RNF13: variants seen among roughly 807,000 people sequenced by gnomAD.
The protein encoded by RNF13 is E3 ubiquitin-protein ligase RNF13.
Under a neutral mutation model 37.7 loss-of-function variants are expected in RNF13, and 19 were observed. That is an observed-to-expected ratio of 0.50 (90% confidence interval 0.35 to 0.74). The LOEUF is 0.74. RNF13 is among the 30% of genes least tolerant of loss of function. The pLI is 0.01. For synonymous variants in RNF13, 144 were observed against 157.8 expected (o/e 0.91, Z 0.65); for missense variants, 375 against 453.0 (o/e 0.83, Z 1.56).
At chr3:149,837,774 G>A (rs774429374) in intron 1 of RNF13, among the ~76,000 whole-genome samples, 3 of 152,008 alleles carry the variant, frequency 2.0e-5, no homozygotes, top group Non-Finnish European at 4.4e-5. Context: ...TTCTGCCCTG[G>A]CCCCTCCCAA....
rs546934291 is a variant in RNF13 at position 149,840,016 on chromosome 3, AT to A, written c.-16-5987del. Among the ~76,000 whole-genome samples, 11 of 152,002 alleles carry A rather than the reference AT, an allele frequency of 7.2e-5. No individual in the cohort carries two copies. In the South Asian group the frequency reaches 2.1e-3, roughly 29 times the overall value. ...ACACCCATCTTGTGGTATCTTATTT[AT>A]TTTTTTTCATTCCAGAAAATTCTTG... On this transcript the variant is annotated intron_variant, in intron 1 of 9. Transcript: ENST00000392894.
chr3:149,942,362 CTTT>C (rs1720363954), intron 8 of RNF13, among the ~76,000 whole-genome samples: 1 of 152,126 alleles, frequency 6.6e-6, no homozygotes, highest in Non-Finnish European at 1.5e-5. Context: ...TTTCTATCTT[CTTT>C]GATTTCTTGT....
intron 3 of RNF13, among the ~76,000 whole-genome samples, chr3:149,865,061 G>C (rs1033419217): frequency 6.6e-6 from 1 of 152,038 alleles, no homozygotes; most frequent in Admixed American, 6.6e-5. Flanking sequence ...GAAAGGTATA[G>C]TGGATGTTTA....
intron 8 of RNF13, among the ~76,000 whole-genome samples, chr3:149,933,276 TTA>T (rs1186468845): frequency 1.7e-4 from 25 of 149,488 alleles, no homozygotes; most frequent in South Asian, 2.1e-4. Flanking sequence ...TTTTTTTTTT[TTA>T]AATTGTCTTG....
intron 1 of RNF13, among the ~76,000 whole-genome samples, chr3:149,845,284 T>TAAAAATA (rs1198812333): frequency 6.6e-6 from 1 of 152,210 alleles, no homozygotes; most frequent in African/African-American, 2.4e-5. Context: ...CGTTCTCACT[T>TAAAAATA]GTTTAAGAGT....
intron 3 of RNF13, among the ~76,000 whole-genome samples, chr3:149,865,793 G>A (rs1724753675): frequency 1.3e-5 from 2 of 152,034 alleles, no homozygotes; most frequent in Admixed American, 1.3e-4. Context: ...AAATCTTTAT[G>A]CTTTTTTGAT....
chr3:149,902,186 A>T, intron 6 of RNF13, 24 bp downstream of exon 6: 1 of 1,137,586 alleles, frequency 8.8e-7, no homozygotes, highest in Non-Finnish European at 1.3e-6. Flanking sequence ...ATAAAAAATC[A>T]TGTTGCTTAA....
intron 6 of RNF13, among the ~76,000 whole-genome samples, chr3:149,902,651 C>A (rs182390632): frequency 4.7e-4 from 72 of 152,142 alleles, no homozygotes; most frequent in African/African-American, 1.7e-3. Context: ...CCCCTACCCC[C>A]ACAAAATAAT....
chr3:149,914,236 C>T (rs1385436046), intron 7 of RNF13, among the ~76,000 whole-genome samples: 1 of 151,754 alleles, frequency 6.6e-6, no homozygotes, highest in African/African-American at 2.4e-5. Flanking sequence ...CTATAAGATG[C>T]TTCAGGTTCA....
At chr3:149,929,377 T>G (rs1718956134) in intron 8 of RNF13, among the ~76,000 whole-genome samples, 1 of 152,102 alleles carries the variant, frequency 6.6e-6, no homozygotes, top group South Asian at 2.1e-4. Context: ...CATGATCCAA[T>G]TACCTCCACC....
chr3:149,958,098 A>G (rs949614247), intron 8 of RNF13, among the ~76,000 whole-genome samples: 1 of 152,340 alleles, frequency 6.6e-6, no homozygotes, highest in South Asian at 2.1e-4. Context: ...AGTGATTCCA[A>G]ATCATCAAGT....
intron 1 of RNF13, among the ~76,000 whole-genome samples, chr3:149,835,633 TTG>T (rs3039646): frequency 0.024 from 3,292 of 138,770 alleles, 35 homozygotes; most frequent in African/African-American, 0.026. Flanking sequence ...TAGTATTCCA[TTG>T]TGTGTGTGTG....
intron 8 of RNF13, among the ~76,000 whole-genome samples, chr3:149,934,996 CTT>C (rs1046583817): frequency 6.6e-6 from 1 of 152,174 alleles, no homozygotes; most frequent in African/African-American, 2.4e-5. Context: ...ACAATTTTGA[CTT>C]TTTTGAGTTT....
At chr3:149,828,459 G>A (rs1720714336) in intron 1 of RNF13, among the ~76,000 whole-genome samples, 2 of 152,124 alleles carry the variant, frequency 1.3e-5, no homozygotes, top group African/African-American at 4.8e-5. Context: ...CATGATATTT[G>A]ATATTTTGAT....
chr3:149,895,765 A>G (rs992624006), intron 5 of RNF13, among the ~76,000 whole-genome samples: 9 of 152,102 alleles, frequency 5.9e-5, no homozygotes, highest in Admixed American at 2.0e-4. Flanking sequence ...TTTTAAACAT[A>G]TATGTTTTAT....
intron 4 of RNF13, among the ~76,000 whole-genome samples, chr3:149,888,934 G>A (rs924040511): frequency 6.6e-6 from 1 of 152,162 alleles, no homozygotes; most frequent in African/African-American, 2.4e-5. Flanking sequence ...TAAACAACAA[G>A]GTAGCCAGAT....
chr3:149,953,926 TTAAA>T (rs987067400), intron 8 of RNF13, among the ~76,000 whole-genome samples: 6 of 152,166 alleles, frequency 3.9e-5, no homozygotes, highest in African/African-American at 1.2e-4. Flanking sequence ...AAACAACCTC[TTAAA>T]TAAAAATCAT....
Position 149,826,515 on chromosome 3 carries a change from G to A in RNF13, c.-17+13162G>A, listed in dbSNP as rs1172270216. ...AAAGACTTGTTGCTTGCTCATTTAA[G>A]AAATATTTTGCTGTGTAAAAGTAAT... On this transcript the variant is annotated intron_variant, in intron 1 of 9. Coordinates refer to ENST00000392894, the MANE Select transcript of RNF13 (RefSeq NM_183381.3). 2.0e-5 allele frequency among the ~76,000 whole-genome samples: 3 copies of A among 152,228 alleles called. No individual in the cohort carries two copies. In the East Asian group the frequency reaches 5.8e-4, roughly 29 times the overall value.
At position 149,961,017 on chromosome 3, in the gene RNF13, T is replaced by A; in HGVS notation, c.1059T>A (p.Asp353Glu). The A allele has an allele frequency of 1.2e-6, 2 of 1,614,214 alleles. No homozygotes were observed. The highest frequency in any genetic ancestry group is 1.7e-6 in the Non-Finnish European group (2 of 1,180,018). The change falls in exon 10 of 10, where the codon GAT (aspartate) becomes GAA (glutamate). Residue 353 changes from aspartate (D) to glutamate (E), a missense_variant. Physicochemically the swap from Asp to Glu is conservative, Grantham distance 45 (BLOSUM62 2). Transcript: ENST00000392894. Reference protein sequence around the residue: ...EDDNEDTDSSDAENEINEHDV... With the variant: ...EDDNEDTDSSEAENEINEHDV... ...ACAATGAAGATACTGACAGTAGTGA[T>A]GCAGAAAATGAAATTAATGAACATG...
Sources: allele counts gnomAD v4.1 joint callset (sites outside exome capture counted in the v4.1 genomes callset), GRCh38; gene constraint gnomAD v4.1.1; transcripts MANE v1.5; gene names NCBI Gene and HGNC (gene_info 2026-07-23, HGNC 2026-07-21).